PHF14: variants seen among roughly 807,000 people sequenced by gnomAD.
The protein encoded by PHF14 is PHD finger protein 14.
A neutral mutation model predicts 117.9 loss-of-function variants in PHF14; 55 were observed. The observed-to-expected ratio is 0.47, with a 90% CI of 0.38 to 0.58. The LOEUF (loss-of-function observed/expected upper bound fraction) is 0.58. Among genes scored for constraint, PHF14 ranks in the 20% least tolerant of loss-of-function variants. The pLI is 0.00. For synonymous variants in PHF14, 409 were observed against 368.6 expected (o/e 1.11, Z -1.26); for missense variants, 978 against 1,122.2 (o/e 0.87, Z 1.84).
chr7:10,988,035 AAAAG>A (rs1293242647), intron 3 of PHF14, among the ~76,000 whole-genome samples: 3 of 150,952 alleles, frequency 2.0e-5, no homozygotes, highest in African/African-American at 7.3e-5. Flanking sequence ...AAAAAAAAGA[AAAAG>A]AAAAAAAAGA....
intron 17 of PHF14, among the ~76,000 whole-genome samples, chr7:11,126,096 C>T (rs2128347469): frequency 6.6e-6 from 1 of 152,184 alleles, no homozygotes; most frequent in Non-Finnish European, 1.5e-5. Context: ...TTTCTAAAAT[C>T]AGAGTTCAAA....
intron 3 of PHF14, among the ~76,000 whole-genome samples, chr7:10,989,400 A>G (rs1193531993): frequency 2.0e-5 from 3 of 152,108 alleles, no homozygotes; most frequent in Admixed American, 6.5e-5. Flanking sequence ...ATTGTATGAA[A>G]CTAATTTATT....
intron 17 of PHF14, among the ~76,000 whole-genome samples, chr7:11,116,060 A>G (rs377154146): frequency 1.3e-5 from 2 of 152,104 alleles, no homozygotes; most frequent in African/African-American, 4.8e-5. Flanking sequence ...AAAATATCCT[A>G]TTCCTCATCA....
At chr7:11,155,975 T>C (rs986309239) in intron 17 of PHF14, among the ~76,000 whole-genome samples, 13 of 152,220 alleles carry the variant, frequency 8.5e-5, no homozygotes, top group Admixed American at 2.6e-4. Flanking sequence ...TTTATACTTA[T>C]GTAGTAGCTA....
chr7:11,081,115 A>G (rs1056812071), intron 16 of PHF14, among the ~76,000 whole-genome samples: 2 of 152,204 alleles, frequency 1.3e-5, no homozygotes, highest in African/African-American at 4.8e-5. Context: ...ATATAAATAT[A>G]TGTATGAAAC....
intron 5 of PHF14, among the ~76,000 whole-genome samples, chr7:11,014,442 C>G (rs12672128): frequency 6.6e-6 from 1 of 152,076 alleles, no homozygotes; most frequent in Non-Finnish European, 1.5e-5. Flanking sequence ...TGATGACCTC[C>G]TACCCTAGGT....
At chr7:11,087,322 G>C (rs1390849972) in intron 16 of PHF14, among the ~76,000 whole-genome samples, 1 of 151,966 alleles carries the variant, frequency 6.6e-6, no homozygotes. Context: ...CTCCCGAGTA[G>C]CTGGGACTAC....
intron 17 of PHF14, among the ~76,000 whole-genome samples, chr7:11,114,318 A>G (rs1428796039): frequency 6.6e-6 from 1 of 151,894 alleles, no homozygotes; most frequent in Non-Finnish European, 1.5e-5. Flanking sequence ...ACCAGGGGAA[A>G]CTCTAAAATA....
intron 4 of PHF14, among the ~76,000 whole-genome samples, chr7:11,003,734 C>T (rs1782964376): frequency 6.6e-6 from 1 of 152,126 alleles, no homozygotes. Flanking sequence ...TGAATTAATT[C>T]ATTAAAATAT....
chr7:11,160,159 G>A (rs150779538), intron 17 of PHF14, among the ~76,000 whole-genome samples: 1 of 152,276 alleles, frequency 6.6e-6, no homozygotes, highest in East Asian at 1.9e-4. Flanking sequence ...GTAAGAACAT[G>A]TGGCATTTGA....
At chr7:10,998,694 C>T (rs1782750711) in intron 4 of PHF14, among the ~76,000 whole-genome samples, 1 of 152,088 alleles carries the variant, frequency 6.6e-6, no homozygotes, top group African/African-American at 2.4e-5. Context: ...GTGTTTGTTA[C>T]ATTGATCACT....
At chr7:11,089,710 T>G (rs1044026306) in intron 16 of PHF14, among the ~76,000 whole-genome samples, 1 of 151,884 alleles carries the variant, frequency 6.6e-6, no homozygotes, top group African/African-American at 2.4e-5. Context: ...GAATATACTA[T>G]TAAAAGTGTG....
At chr7:11,135,993 AAAAG>A (rs1285794267) in intron 17 of PHF14, among the ~76,000 whole-genome samples, 13 of 150,780 alleles carry the variant, frequency 8.6e-5, no homozygotes, top group African/African-American at 2.5e-4. Flanking sequence ...TGGTATTAAA[AAAAG>A]AAAGAGAAGA....
chr7:11,079,339 C>G (rs1785988300), intron 16 of PHF14, among the ~76,000 whole-genome samples: 1 of 152,110 alleles, frequency 6.6e-6, no homozygotes, highest in Non-Finnish European at 1.5e-5. Flanking sequence ...TTACTTTCAG[C>G]CAGATAACTG....
intron 16 of PHF14, among the ~76,000 whole-genome samples, chr7:11,084,937 A>G (rs1786327551): frequency 6.6e-6 from 1 of 152,002 alleles, no homozygotes; most frequent in African/African-American, 2.4e-5. Context: ...TTTTTTAAAA[A>G]TGAGTTTATT....
chr7:10,986,075 T>C (rs1217866984), intron 3 of PHF14, among the ~76,000 whole-genome samples: 1 of 152,054 alleles, frequency 6.6e-6, no homozygotes, highest in Non-Finnish European at 1.5e-5. Flanking sequence ...CTCAGGCAAT[T>C]CTCCCACCTC....
At chr7:11,058,804 C>T (rs1785106282) in intron 14 of PHF14, among the ~76,000 whole-genome samples, 1 of 152,192 alleles carries the variant, frequency 6.6e-6, no homozygotes, top group African/African-American at 2.4e-5. Flanking sequence ...AGAAAAGTCA[C>T]TGAAGTGACA....
chr7:11,050,289 T>A (rs1450728276), intron 13 of PHF14, among the ~76,000 whole-genome samples: 1 of 152,170 alleles, frequency 6.6e-6, no homozygotes, highest in East Asian at 1.9e-4. Context: ...GATACTGATA[T>A]AAACATATAA....
intron 4 of PHF14, among the ~76,000 whole-genome samples, chr7:11,004,439 T>C (rs948556746): frequency 6.6e-6 from 1 of 151,132 alleles, no homozygotes. Context: ...ACTCTTCTTA[T>C]AATCTGTATA....
Sources: gnomAD v4.1 joint callset for allele counts (sites outside exome capture counted in the v4.1 genomes callset) on GRCh38, gnomAD v4.1.1 for gene constraint, MANE v1.5 for transcripts, NCBI Gene and HGNC (gene_info 2026-07-23, HGNC 2026-07-21) for gene names.